SLC25A36: variants seen among roughly 807,000 people sequenced by gnomAD.
SLC25A36 encodes the protein solute carrier family 25 member 36, also known as epididymis secretory sperm binding protein.
SLC25A36 carries 24 observed loss-of-function variants against 35.3 expected under a neutral mutation model. The observed-to-expected ratio is 0.68, with a 90% confidence interval of 0.49 to 0.96. SLC25A36 has a LOEUF of 0.96. Among genes scored for constraint, SLC25A36 ranks in the 40% least tolerant of loss-of-function variants. The pLI is 0.00. For synonymous variants in SLC25A36, 141 were observed against 132.2 expected (o/e 1.07, Z -0.46); for missense variants, 294 against 381.1 (o/e 0.77, Z 1.90).
intron 1 of SLC25A36, among the ~76,000 whole-genome samples, chr3:140,947,629 CT>C (rs1934202757): frequency 6.6e-6 from 1 of 152,092 alleles, no homozygotes; most frequent in East Asian, 1.9e-4. Flanking sequence ...TCTAAGTTGG[CT>C]AAAATTTTCT....
chr3:140,967,030 A>G, intron 4 of SLC25A36: 1 of 456,362 alleles, frequency 2.2e-6, no homozygotes, highest in Non-Finnish European at 4.4e-6. Flanking sequence ...GGACTAACTT[A>G]AACCTCGTGA....
Position 140,979,881 on chromosome 3 carries a change from T to C in SLC25A36, c.*3428T>C, listed in dbSNP as rs1935145269. On this transcript the variant is annotated 3_prime_UTR_variant, in exon 7 of 7. Transcript: ENST00000324194. Reference sequence around the variant, plus strand: ...GTGCATTTACTCTGTATTTATGTTATCTAGCTGACTTTTACTTGAATTGTT... The same window carrying C: ...GTGCATTTACTCTGTATTTATGTTACCTAGCTGACTTTTACTTGAATTGTT... 1 of 152,236 alleles carries C rather than the reference T, an allele frequency of 6.6e-6. No individual in the cohort carries two copies. The highest frequency in any genetic ancestry group is 2.4e-5 in the African/African-American group (1 of 41,462). The allele number at this position is 152,236 out of a possible 1,614,324, so 9.4% of individuals were successfully genotyped here.
chr3:140,976,438 C>T lies in SLC25A36; in HGVS notation c.921C>T (p.Tyr307=), dbSNP rs1200383511. 2 of 1,611,862 alleles carry T rather than the reference C, an allele frequency of 1.2e-6. No individual in the cohort carries two copies. Among genetic ancestry groups the T allele is most frequent in the Non-Finnish European group, 1.7e-6 (2 of 1,179,206 alleles). Reference sequence around the variant, plus strand: ...TGGCCACCTATGAATTGGTGGTTTACCTACTCAATGGATAGCAGCACGAGG... The same window carrying T: ...TGGCCACCTATGAATTGGTGGTTTATCTACTCAATGGATAGCAGCACGAGG... The part of the protein sequence containing the change: ...IMMATYELVV[Y]LLNG Residue 307 remains tyrosine (Y), a synonymous_variant, in exon 7 of 7, where the codon TAC becomes TAT. Coordinates refer to ENST00000324194, the MANE Select transcript of SLC25A36 (RefSeq NM_001104647.3).
chr3:140,943,188 T>C (rs1020978882), intron 1 of SLC25A36, among the ~76,000 whole-genome samples: 4 of 152,242 alleles, frequency 2.6e-5, no homozygotes, highest in Admixed American at 6.5e-5. Context: ...CGGTGAATTA[T>C]GCTGAGACTC....
intron 1 of SLC25A36, among the ~76,000 whole-genome samples, chr3:140,953,386 C>A (rs1033350267): frequency 7.2e-6 from 1 of 139,196 alleles, no homozygotes; most frequent in African/African-American, 2.8e-5. Flanking sequence ...ATTGTGGTTT[C>A]GACATTTTTT....
rs769301713 is a variant in SLC25A36, at chr3:140,976,410, T to C, written c.893T>C (p.Met298Thr). Residue 298 changes from methionine to threonine, a missense_variant, in exon 7 of 7, where the codon ATG (methionine) becomes ACG (threonine). This residue lies in a region of SLC25A36 where 109 missense variants were observed against 179.7 expected (regional missense o/e 0.61). Transcript: ENST00000324194. ...LVRQIPNTAI[M>T]MATYELVVYL... is the part of the protein sequence containing the mutation. ...AGACAGATTCCAAACACAGCCATTATGATGGCCACCTATGAATTGGTGGTT... is the reference window on the plus strand; with the variant it reads ...AGACAGATTCCAAACACAGCCATTACGATGGCCACCTATGAATTGGTGGTT... The C allele has an allele frequency of 3.1e-6, 5 of 1,613,752 alleles. No individual in the cohort carries two copies. The South Asian group carries it at 5.5e-5, about 18-fold the overall frequency.
At chr3:140,963,784 C>A (rs558932920) in intron 4 of SLC25A36, 3 of 152,794 alleles carry the variant, frequency 2.0e-5, no homozygotes, top group African/African-American at 7.2e-5. Flanking sequence ...AATTTAGACA[C>A]TGGCTATGTG....
intron 1 of SLC25A36, among the ~76,000 whole-genome samples, chr3:140,945,233 G>C (rs1317901510): frequency 6.6e-6 from 1 of 152,174 alleles, no homozygotes; most frequent in Non-Finnish European, 1.5e-5. Flanking sequence ...AATCCCAAAT[G>C]TCAGGGCTAC....
At chr3:140,955,654 G>T (rs548730033) in intron 1 of SLC25A36, among the ~76,000 whole-genome samples, 1 of 151,966 alleles carries the variant, frequency 6.6e-6, no homozygotes, top group African/African-American at 2.4e-5. Flanking sequence ...AGTTTTCCAC[G>T]TGTAGGCCTG....
intron 2 of SLC25A36, among the ~76,000 whole-genome samples, 153 bp from the exon 3 acceptor site, chr3:140,959,310 T>C (rs764657148): frequency 1.3e-5 from 2 of 152,050 alleles, no homozygotes; most frequent in Non-Finnish European, 2.9e-5. Context: ...CCACCATGCC[T>C]GGCCACAAAT....
intron 3 of SLC25A36, among the ~76,000 whole-genome samples, chr3:140,962,657 G>A (rs1385276614): frequency 1.3e-5 from 2 of 151,584 alleles, no homozygotes; most frequent in African/African-American, 4.8e-5. Flanking sequence ...AAAATTATAT[G>A]TTAAGTGCTC....
At chr3:140,968,221 T>C in intron 4 of SLC25A36, 1 of 952,710 alleles carries the variant, frequency 1.0e-6, no homozygotes, top group East Asian at 1.2e-4. Context: ...GTGTCTTTGG[T>C]TAGGAGAAAG....
At chr3:140,943,558 G>C (rs7613645) in intron 1 of SLC25A36, among the ~76,000 whole-genome samples, 4,309 of 152,308 alleles carry the variant, frequency 0.028, 196 homozygotes, top group African/African-American at 0.099. Context: ...AAGATCTCAT[G>C]CAAATAATTG....
At chr3:140,942,744 G>A (rs1934050553) in intron 1 of SLC25A36, 1 of 152,318 alleles carries the variant, frequency 6.6e-6, no homozygotes, top group Non-Finnish European at 1.5e-5. Flanking sequence ...GTGGTAAGGG[G>A]GCTACGGGAT....
intron 3 of SLC25A36, among the ~76,000 whole-genome samples, 167 bp from the exon 4 acceptor site, chr3:140,962,960 A>C (rs575849560): frequency 2.0e-5 from 3 of 152,054 alleles, no homozygotes; most frequent in Non-Finnish European, 4.4e-5. Flanking sequence ...CAATACAGAA[A>C]GTACTTCAGA....
chr3:140,968,359 G>A, intron 4 of SLC25A36: 1 of 824,746 alleles, frequency 1.2e-6, no homozygotes, highest in Non-Finnish European at 1.5e-6. Flanking sequence ...TCTTTATAAA[G>A]AGCTAGCTCT....
At chr3:140,960,197 G>A (rs776817226) in intron 3 of SLC25A36, among the ~76,000 whole-genome samples, 13 of 152,156 alleles carry the variant, frequency 8.5e-5, no homozygotes, top group South Asian at 8.3e-4. Flanking sequence ...ATTTGGGGGT[G>A]CAGAATTGAA....
At chr3:140,974,611 A>G (rs760070257) in intron 6 of SLC25A36, among the ~76,000 whole-genome samples, 4 of 152,188 alleles carry the variant, frequency 2.6e-5, no homozygotes, top group Non-Finnish European at 5.9e-5. Context: ...CTATTTCATT[A>G]ATAGCTAGGT....
intron 6 of SLC25A36, among the ~76,000 whole-genome samples, chr3:140,975,094 A>ATTTTTTTTTTTTTTTT: frequency 4.1e-5 from 1 of 24,230 alleles, no homozygotes; most frequent in Non-Finnish European, 1.3e-4. Flanking sequence ...AACAAGATAC[A>ATTTTTTTTTTTTTTTT]TTCTTTTTTT....
Sources: allele counts gnomAD v4.1 joint callset (sites outside exome capture counted in the v4.1 genomes callset), GRCh38; gene constraint gnomAD v4.1.1; regional missense constraint gnomAD v4.1.1; transcripts MANE v1.5; gene names NCBI Gene and HGNC (gene_info 2026-07-23, HGNC 2026-07-21).